Variants in FUT8 observed in about 807,000 individuals in gnomAD.
The protein encoded by FUT8 is fucosyltransferase 8.
FUT8 carries 29 observed loss-of-function variants against 71.3 expected under a neutral mutation model. The observed-to-expected ratio is 0.41, with a 90% CI of 0.30 to 0.55. FUT8 has a LOEUF of 0.55. FUT8 is among the 20% of genes least tolerant of loss of function. FUT8 has a pLI of 0.34. For synonymous variants in FUT8, 254 were observed against 239.3 expected (o/e 1.06, Z -0.57); for missense variants, 544 against 702.1 (o/e 0.77, Z 2.55).
At chr14:65,609,631 C>T (rs1888774853) in intron 3 of FUT8, among the ~76,000 whole-genome samples, 1 of 151,844 alleles carries the variant, frequency 6.6e-6, no homozygotes, top group African/African-American at 2.4e-5. Flanking sequence ...ATACTAGTAC[C>T]TCACTGTCTT....
At chr14:65,575,993 G>A (rs758563388) in intron 3 of FUT8, among the ~76,000 whole-genome samples, 3 of 152,144 alleles carry the variant, frequency 2.0e-5, no homozygotes, top group African/African-American at 4.8e-5. Context: ...ACAGTTGGCC[G>A]CAAGTAAGTA....
the FUT8 span, among the ~76,000 whole-genome samples, chr14:65,374,247 A>T: frequency 6.6e-6 from 1 of 152,216 alleles, no homozygotes; most frequent in Non-Finnish European, 1.5e-5. Context: ...ATAGAGATAA[A>T]TGTGAGTGTA....
At position 65,526,517 on chromosome 14, in the gene FUT8, A is replaced by G. The variant is rs551335704; in HGVS notation, c.-227-34820A>G. On this transcript the variant is annotated intron_variant, in intron 2 of 10. Transcript: ENST00000673929. ...CTGATGGGTCTTGACTCTTTATCCA[A>G]TTTACCAGTCTGTGTCTTTTAATTG... Among the ~76,000 whole-genome samples, 68 of 152,072 alleles carry G rather than the reference A, an allele frequency of 4.5e-4. 1 individual carries two copies. Among genetic ancestry groups the G allele is most frequent in the Non-Finnish European group, 6.6e-4 (45 of 68,022 alleles).
Position 65,424,416 on chromosome 14 carries a change from A to G in FUT8, c.-326+11202A>G, listed in dbSNP as rs145132683. On this transcript the variant is annotated intron_variant, in intron 1 of 10. Coordinates refer to ENST00000673929, the MANE Select transcript of FUT8 (RefSeq NM_001371533.1). ...TAAGTGTGTGGTATAAGTTGTGACA[A>G]TTTTTAACTTTTTATAATAGATTTG... is the stretch of plus-strand genomic sequence containing the variant. Among the ~76,000 whole-genome samples the G allele has an allele frequency of 7.5e-4, 114 of 152,242 alleles. No homozygotes were observed. In the East Asian group the frequency reaches 0.021, roughly 28 times the overall value.
At chr14:65,519,246 T>C (rs1470267285) in intron 2 of FUT8, among the ~76,000 whole-genome samples, 4 of 152,148 alleles carry the variant, frequency 2.6e-5, no homozygotes, top group African/African-American at 9.7e-5. Flanking sequence ...TTTATTAATA[T>C]GGAGACTACT....
chr14:65,383,265 C>CTTT, the FUT8 span, among the ~76,000 whole-genome samples: 9 of 86,528 alleles, frequency 1.0e-4, no homozygotes, highest in East Asian at 5.4e-4. Context: ...TTTTTCTTTT[C>CTTT]TTTTTTTTTT....
chr14:65,724,956 G>C (rs1258908120), intron 9 of FUT8, among the ~76,000 whole-genome samples: 1 of 151,978 alleles, frequency 6.6e-6, no homozygotes, highest in Non-Finnish European at 1.5e-5. Context: ...TTGGGGTTAG[G>C]GATTCAACAT....
intron 9 of FUT8, among the ~76,000 whole-genome samples, chr14:65,726,023 C>T (rs754731974): frequency 2.6e-5 from 4 of 152,214 alleles, no homozygotes; most frequent in Non-Finnish European, 2.9e-5. Context: ...TGCACACACA[C>T]ACACACTGAG....
At chr14:65,391,991 G>A in the FUT8 span, among the ~76,000 whole-genome samples, 3 of 152,104 alleles carry the variant, frequency 2.0e-5, no homozygotes, top group Non-Finnish European at 4.4e-5. Context: ...GGAGTGCAAT[G>A]GTACGATCTC....
intron 1 of FUT8, among the ~76,000 whole-genome samples, chr14:65,418,640 G>A (rs1230115051): frequency 6.6e-6 from 1 of 152,174 alleles, no homozygotes; most frequent in East Asian, 1.9e-4. Flanking sequence ...AGAGAGAGGA[G>A]CATACTGGTT....
intron 7 of FUT8, among the ~76,000 whole-genome samples, chr14:65,711,879 T>C (rs561251387): frequency 3.3e-4 from 51 of 152,352 alleles, no homozygotes; most frequent in African/African-American, 1.2e-3. Flanking sequence ...AATAACCATG[T>C]AGTTGGCTTG....
chr14:65,699,762 A>G (rs1894190422), intron 7 of FUT8, among the ~76,000 whole-genome samples: 1 of 152,128 alleles, frequency 6.6e-6, no homozygotes, highest in Non-Finnish European at 1.5e-5. Context: ...CTAGGTTTTT[A>G]TTCCTTACAA....
Position 65,669,932 on chromosome 14 carries a change from G to A in FUT8, c.835+452G>A, listed in dbSNP as rs572628274. Among the ~76,000 whole-genome samples, 13 of 152,314 alleles carry A rather than the reference G, an allele frequency of 8.5e-5. No individual in the cohort carries two copies. The highest frequency in any genetic ancestry group is 3.1e-4 in the African/African-American group (13 of 41,566). On this transcript the variant is annotated intron_variant, in intron 7 of 10. Coordinates refer to ENST00000673929, the MANE Select transcript of FUT8 (RefSeq NM_001371533.1). This position sits in a 1 kb window ranked among gnomAD's most constrained non-coding sequence, Gnocchi z 4.5. Reference sequence around the variant, plus strand: ...TCTGTTAAGGAAGGTCTAGGCTGCAGCCTGAGAGTTTTAATATCTGACAAA... The same window carrying A: ...TCTGTTAAGGAAGGTCTAGGCTGCAACCTGAGAGTTTTAATATCTGACAAA...
Position 65,627,473 on chromosome 14 carries a change from A to G in FUT8, c.483-2019A>G, listed in dbSNP as rs973501637. Among the ~76,000 whole-genome samples, 1 of 152,220 alleles carries G rather than the reference A, an allele frequency of 6.6e-6. No homozygotes were observed. ...GCCAAGCGGGCGACTTGAGAGGGTC[A>G]AGTGTGCTGTCTGACCATTGACTTG... On this transcript the variant is annotated intron_variant, in intron 5 of 10. Coordinates refer to ENST00000673929, the MANE Select transcript of FUT8 (RefSeq NM_001371533.1). The surrounding 1 kb of genome is among the most constrained non-coding windows in gnomAD (Gnocchi z 4.0).
At chr14:65,546,880 G>C (rs117196282) in intron 2 of FUT8, among the ~76,000 whole-genome samples, 1 of 151,550 alleles carries the variant, frequency 6.6e-6, no homozygotes, top group Non-Finnish European at 1.5e-5. Flanking sequence ...TTACAAATAC[G>C]CATTCAACTT....
chr14:65,496,596 T>A (rs899430636), intron 2 of FUT8, among the ~76,000 whole-genome samples: 11 of 152,172 alleles, frequency 7.2e-5, no homozygotes, highest in Non-Finnish European at 1.6e-4. Context: ...ACTCGCTCTC[T>A]CTTGCCTGCC....
At chr14:65,740,921 G>C (rs531312681) in intron 10 of FUT8, among the ~76,000 whole-genome samples, 6 of 152,058 alleles carry the variant, frequency 3.9e-5, no homozygotes, top group African/African-American at 1.4e-4. Context: ...AAAGACTGCC[G>C]GGTAGTCCTA....
At chr14:65,392,246 A>G in the FUT8 span, among the ~76,000 whole-genome samples, 16,708 of 152,260 alleles carry the variant, frequency 0.11, 1,276 homozygotes, top group East Asian at 0.45. Flanking sequence ...TTTTTGTTAG[A>G]GGGCAGAATT....
At position 65,669,186 on chromosome 14, in the gene FUT8, G is replaced by A; in HGVS notation, c.598-57G>A. ...GATGAAAGATTAAAAAAAAAAAAGA[G>A]CAGTTGACCTCTCTGTACAACTTAT... On this transcript the variant is annotated intron_variant, in intron 6 of 10. Transcript: ENST00000673929. This position sits in a 1 kb window ranked among gnomAD's most constrained non-coding sequence, Gnocchi z 4.5. The A allele has an allele frequency of 8.1e-7, 1 of 1,227,632 alleles. No homozygotes were observed. Among genetic ancestry groups the A allele is most frequent in the African/African-American group, 1.5e-5 (1 of 65,406 alleles). The allele number at this position is 1,227,632 out of a possible 1,614,324, so 76.0% of individuals were successfully genotyped here.
Sources: allele counts gnomAD v4.1 joint callset (sites outside exome capture counted in the v4.1 genomes callset), GRCh38; gene constraint gnomAD v4.1.1; non-coding constraint Gnocchi (gnomAD v3.1); transcripts MANE v1.5; gene names NCBI Gene and HGNC (gene_info 2026-07-23, HGNC 2026-07-21).